Variants in VEGFC observed in about 807,000 individuals in gnomAD.
VEGFC encodes vascular endothelial growth factor C.
A neutral mutation model predicts 46.1 loss-of-function variants in VEGFC; 12 were observed. The ratio of observed to expected loss-of-function variants is 0.26; its 90% confidence interval spans 0.17 to 0.42. The LOEUF (loss-of-function observed/expected upper bound fraction) is 0.42. Ranked by LOEUF, VEGFC falls within the 10% of genes least tolerant of loss-of-function variation. The pLI is 1.00. For missense variants in VEGFC, 488 were observed against 529.4 expected, an observed-to-expected ratio of 0.92 and a Z score of 0.77; for synonymous variants, 232 against 195.5, an observed-to-expected ratio of 1.19 and a Z score of -1.56.
chr4:176,684,131 G>T, intron 6 of VEGFC, 91 bp from the exon 7 acceptor site: 1 of 952,206 alleles, frequency 1.1e-6, no homozygotes, highest in Non-Finnish European at 1.6e-6. Context: ...TTAAATTTCA[G>T]ACTGGAATAA....
chr4:176,772,230 C>T (rs900931689), intron 1 of VEGFC, among the ~76,000 whole-genome samples: 5 of 152,104 alleles, frequency 3.3e-5, no homozygotes, highest in Non-Finnish European at 7.4e-5. Flanking sequence ...ACACTGAAAT[C>T]GACACTACTC....
chr4:176,757,807 C>T lies in VEGFC; in HGVS notation c.148-28061G>A, dbSNP rs184830516. 1.7e-3 allele frequency among the ~76,000 whole-genome samples: 265 copies of T among 151,924 alleles called. 4 individuals carry two copies. In the South Asian group the frequency reaches 0.028, roughly 16 times the overall value. On this transcript the variant is annotated intron_variant, in intron 1 of 6. Transcript: ENST00000618562. The stretch of plus-strand genomic sequence containing the variant: ...AGAGAAATAGTCCTCTTTAATCTAC[C>T]TGAAATTATAATTAACCTAATTAAA...
intron 1 of VEGFC, among the ~76,000 whole-genome samples, chr4:176,732,030 A>T (rs1211243758): frequency 6.6e-6 from 1 of 152,008 alleles, no homozygotes; most frequent in East Asian, 1.9e-4. Flanking sequence ...CTTAGGCTGA[A>T]AAAGGCCTTT....
intron 1 of VEGFC, among the ~76,000 whole-genome samples, chr4:176,740,280 T>C (rs1735143719): frequency 1.7e-5 from 2 of 120,600 alleles, no homozygotes; most frequent in East Asian, 4.5e-4. Flanking sequence ...ATATTCTCTA[T>C]ATAGAGTATA....
At chr4:176,732,698 C>A (rs1734987788) in intron 1 of VEGFC, among the ~76,000 whole-genome samples, 1 of 148,066 alleles carries the variant, frequency 6.8e-6, no homozygotes, top group South Asian at 2.1e-4. Context: ...AAAGAAAACA[C>A]ATTCATTGAA....
intron 1 of VEGFC, among the ~76,000 whole-genome samples, chr4:176,765,587 G>A (rs900906711): frequency 1.1e-4 from 14 of 130,812 alleles, no homozygotes; most frequent in East Asian, 2.2e-4. Context: ...GCAGAGTCTC[G>A]CTCTGTCGCC....
At chr4:176,727,056 AAAC>A (rs988453293) in intron 3 of VEGFC, among the ~76,000 whole-genome samples, 5 of 152,194 alleles carry the variant, frequency 3.3e-5, no homozygotes, top group African/African-American at 1.2e-4. Flanking sequence ...ACACAATTTC[AAAC>A]AACACTTTCA....
Position 176,792,776 on chromosome 4 carries a change from G to A in VEGFC, c.-465C>T, listed in dbSNP as rs1348464601. ...GAGCCGGGCCGCGGGCGCTGCGGCG[G>A]GGGCGCTGGCGGCGGTGCCGGGGGC... On this transcript the variant is annotated 5_prime_UTR_variant, in exon 1 of 7. Transcript: ENST00000618562. The surrounding 1 kb of genome is among the most constrained non-coding windows in gnomAD (Gnocchi z 6.3). 6.7e-6 allele frequency: 1 copy of A among 148,690 alleles called. No individual in the cohort carries two copies. The highest frequency in any genetic ancestry group is 1.5e-5 in the Non-Finnish European group (1 of 66,636). The allele number at this position is 148,690 out of a possible 1,614,324, so 9.2% of individuals were successfully genotyped here.
intron 1 of VEGFC, among the ~76,000 whole-genome samples, chr4:176,754,056 G>C (rs1043423851): frequency 6.6e-6 from 1 of 152,016 alleles, no homozygotes; most frequent in African/African-American, 2.4e-5. Context: ...ATAAAGCAAA[G>C]AGAAATTAAA....
chr4:176,745,208 A>G (rs1735240662), intron 1 of VEGFC, among the ~76,000 whole-genome samples: 1 of 152,114 alleles, frequency 6.6e-6, no homozygotes, highest in Admixed American at 6.6e-5. Flanking sequence ...GTTGATAATT[A>G]CTTGCCTGAA....
Position 176,775,386 on chromosome 4 carries a change from T to C in VEGFC, c.147+16779A>G, listed in dbSNP as rs2110934335. Among the ~76,000 whole-genome samples, 3 of 152,332 alleles carry C rather than the reference T, an allele frequency of 2.0e-5. No homozygotes were observed. The South Asian group carries it at 6.2e-4, about 32-fold the overall frequency. The stretch of plus-strand genomic sequence containing the variant: ...TTAACCCAAAACCTTAACTTGAAAC[T>C]CTTAATCAGTATAAAAGAGCTTGAG... On this transcript the variant is annotated intron_variant, in intron 1 of 6. Transcript: ENST00000618562.
At chr4:176,772,633 T>G (rs1560962513) in intron 1 of VEGFC, among the ~76,000 whole-genome samples, 1 of 152,176 alleles carries the variant, frequency 6.6e-6, no homozygotes, top group Non-Finnish European at 1.5e-5. Context: ...CATTGAAAGG[T>G]GGGACCTTCA....
chr4:176,696,343 GACAA>G (rs1734313073), intron 4 of VEGFC, among the ~76,000 whole-genome samples: 1 of 151,484 alleles, frequency 6.6e-6, no homozygotes, highest in African/African-American at 2.4e-5. Flanking sequence ...ACCAACAACA[GACAA>G]ACAGAGAGCC....
At chr4:176,711,416 G>A in intron 4 of VEGFC, 83 bp downstream of exon 4, 1 of 1,438,264 alleles carries the variant, frequency 7.0e-7, no homozygotes, top group South Asian at 1.5e-5. Context: ...TTTCACAGAG[G>A]TTATTTGTTT....
At chr4:176,695,534 C>A (rs369958274) in intron 4 of VEGFC, among the ~76,000 whole-genome samples, 3 of 149,978 alleles carry the variant, frequency 2.0e-5, no homozygotes, top group African/African-American at 7.4e-5. Flanking sequence ...ATTCACAGCC[C>A]AATTCTACCA....
chr4:176,706,253 G>T (rs142928723), intron 4 of VEGFC: 185 of 149,636 alleles, frequency 1.2e-3, no homozygotes, highest in African/African-American at 4.3e-3. Context: ...GTGACTCAAC[G>T]TATAGTTTTT....
intron 4 of VEGFC, among the ~76,000 whole-genome samples, chr4:176,692,883 G>A (rs916460837): frequency 6.8e-6 from 1 of 146,490 alleles, no homozygotes; most frequent in African/African-American, 2.6e-5. Flanking sequence ...ACCTCACACA[G>A]CAGGGTATTC....
chr4:176,767,749 T>C (rs557052656), intron 1 of VEGFC, among the ~76,000 whole-genome samples: 2 of 152,316 alleles, frequency 1.3e-5, no homozygotes, highest in African/African-American at 2.4e-5. Context: ...TTCTAGGGCC[T>C]TACATATAAC....
intron 1 of VEGFC, among the ~76,000 whole-genome samples, chr4:176,752,452 C>G (rs1735357597): frequency 6.6e-6 from 1 of 152,016 alleles, no homozygotes; most frequent in African/African-American, 2.4e-5. Context: ...AGGTTACTGC[C>G]AACAAAACTA....
Sources: allele counts gnomAD v4.1 joint callset (sites outside exome capture counted in the v4.1 genomes callset), GRCh38; gene constraint gnomAD v4.1.1; non-coding constraint Gnocchi (gnomAD v3.1); transcripts MANE v1.5; gene names NCBI Gene and HGNC (gene_info 2026-07-23, HGNC 2026-07-21).